Variants in ELFN1 observed in about 807,000 individuals in gnomAD.
The protein encoded by ELFN1 is protein ELFN1.
ELFN1 carries 6 observed loss-of-function variants against 7.6 expected under a neutral mutation model. The ratio of observed to expected loss-of-function variants is 0.79; its 90% CI spans 0.43 to 1.56. The LOEUF (loss-of-function observed/expected upper bound fraction) is 1.56, where lower values mean the gene tolerates loss of function less well. Among genes scored for constraint, ELFN1 ranks in the 40% most tolerant of loss-of-function variants. The pLI, the probability that ELFN1 is intolerant of heterozygous loss-of-function variation, is 0.01. For missense variants in ELFN1, 1,169 were observed against 1,232.2 expected (o/e 0.95, Z 0.77); for synonymous variants, 657 against 588.1 (o/e 1.12, Z -1.70).
intron 2 of ELFN1, among the ~76,000 whole-genome samples, chr7:1,694,481 C>T (rs964069545): frequency 2.0e-5 from 3 of 152,140 alleles, no homozygotes; most frequent in Non-Finnish European, 2.9e-5. Flanking sequence ...GGTGAGGCTC[C>T]GGGAGGGGAT....
intron 3 of ELFN1, among the ~76,000 whole-genome samples, chr7:1,733,097 C>T (rs921742781): frequency 1.3e-5 from 2 of 152,210 alleles, no homozygotes; most frequent in Non-Finnish European, 2.9e-5. Flanking sequence ...GATGGGGTTT[C>T]ACCATGTTGG....
intron 3 of ELFN1, among the ~76,000 whole-genome samples, chr7:1,710,669 C>T (rs1779630459): frequency 6.6e-6 from 1 of 152,238 alleles, no homozygotes; most frequent in African/African-American, 2.4e-5. Context: ...TCTCCTCTAA[C>T]TCACAGGCCA....
chr7:1,746,160 A>G lies in ELFN1; in HGVS notation c.1564A>G (p.Lys522Glu). 6.5e-7 allele frequency: 1 copy of G among 1,549,538 alleles called. No homozygotes were observed. Among genetic ancestry groups the G allele is most frequent in the Non-Finnish European group, 8.7e-7 (1 of 1,146,510 alleles). ...GAGCGCGGACACCCCCAAGGCCAGC[A>G]AGGGCAGCTACATGGAGGTTCGAAC... Reference protein sequence around the residue: ...VESADTPKASKGSYMEVRTGD... With the variant: ...VESADTPKASEGSYMEVRTGD... The change falls in exon 4 of 4, where the codon AAG (lysine) becomes GAG (glutamate). Residue 522 changes from lysine (K) to glutamate (E), a missense_variant. Around this residue, in one of 2 missense-constraint regions of ELFN1, gnomAD observed 914 missense variants for 872.6 expected, o/e 1.05. Transcript: ENST00000424383.
In ELFN1 at chr7:1,744,675, G is replaced by T; in HGVS notation, c.79G>T (p.Ala27Ser). Residue 27 changes from alanine to serine, a missense_variant, in exon 4 of 4, where the codon GCA becomes TCA. Around this residue, in one of 2 missense-constraint regions of ELFN1, gnomAD observed 255 missense variants for 359.6 expected, o/e 0.71. Transcript: ENST00000424383. ...TLLHAGGLAR[A>S]DCWLIEGDKG... The stretch of plus-strand genomic sequence containing the variant: ...GCTGCACGCTGGCGGCCTGGCCCGC[G>T]CAGACTGCTGGCTGATCGAGGGCGA... 1 of 1,551,006 alleles carries T rather than the reference G, an allele frequency of 6.4e-7. No individual in the cohort carries two copies. The highest frequency in any genetic ancestry group is 8.7e-7 in the Non-Finnish European group (1 of 1,146,854).
chr7:1,728,174 G>A (rs1780248185), intron 3 of ELFN1, among the ~76,000 whole-genome samples: 1 of 152,148 alleles, frequency 6.6e-6, no homozygotes, highest in African/African-American at 2.4e-5. Context: ...CCAAACGGGT[G>A]AGAACAGAAG....
chr7:1,698,934 C>T (rs553758869), intron 2 of ELFN1, among the ~76,000 whole-genome samples: 10 of 152,204 alleles, frequency 6.6e-5, no homozygotes, highest in Non-Finnish European at 1.0e-4. Context: ...TCCTGATGGT[C>T]TCTCCAGGTC....
At chr7:1,704,388 A>G (rs748361071) in intron 2 of ELFN1, among the ~76,000 whole-genome samples, 3 of 152,112 alleles carry the variant, frequency 2.0e-5, no homozygotes, top group Non-Finnish European at 4.4e-5. Context: ...TGGAGAACCT[A>G]CAATACACAC....
intron 3 of ELFN1, among the ~76,000 whole-genome samples, chr7:1,718,307 G>A (rs1562374834): frequency 6.6e-6 from 1 of 152,214 alleles, no homozygotes. Context: ...GGAGGAAGAG[G>A]AGAATAGGGA....
intron 1 of ELFN1, among the ~76,000 whole-genome samples, chr7:1,675,087 C>A (rs373334119): frequency 1.2e-4 from 7 of 56,798 alleles, no homozygotes; most frequent in African/African-American, 1.2e-3. Flanking sequence ...GACGGGGACC[C>A]GGCAGCCCAC....
At chr7:1,697,317 A>C (rs1490781698) in intron 2 of ELFN1, among the ~76,000 whole-genome samples, 1 of 152,182 alleles carries the variant, frequency 6.6e-6, no homozygotes, top group African/African-American at 2.4e-5. Flanking sequence ...TGTGGGACTC[A>C]GAGAGGAACA....
chr7:1,715,131 A>G (rs1045638158), intron 3 of ELFN1, among the ~76,000 whole-genome samples: 1 of 152,182 alleles, frequency 6.6e-6, no homozygotes, highest in Admixed American at 6.5e-5. Context: ...TTCTCAGCCA[A>G]CGGCAGAGAA....
chr7:1,727,035 G>A (rs917442444), intron 3 of ELFN1, among the ~76,000 whole-genome samples: 2 of 152,122 alleles, frequency 1.3e-5, no homozygotes, highest in Non-Finnish European at 2.9e-5. Flanking sequence ...CATCGGGGTC[G>A]GGCTGTGGGA....
intron 3 of ELFN1, among the ~76,000 whole-genome samples, chr7:1,725,789 G>A (rs1026195866): frequency 1.3e-5 from 2 of 152,088 alleles, no homozygotes; most frequent in Admixed American, 1.3e-4. Flanking sequence ...GCCCACACAT[G>A]CGCACACACA....
chr7:1,669,101 CCCGGGCGTGTCAGGCCCTGCAG>C (rs1778713537), upstream of ELFN1, among the ~76,000 whole-genome samples: 1 of 152,256 alleles, frequency 6.6e-6, no homozygotes, highest in African/African-American at 2.4e-5. Context: ...AACCCTAGGA[CCCGGGCGTGTCAGGCCCTGCAG>C]CCGGGCTAGG....
chr7:1,696,237 G>T (rs868011290), intron 2 of ELFN1, among the ~76,000 whole-genome samples: 1 of 149,466 alleles, frequency 6.7e-6, no homozygotes, highest in Admixed American at 6.7e-5. Context: ...AGAGACAGAG[G>T]GAGAGAGAGA....
intron 3 of ELFN1, among the ~76,000 whole-genome samples, chr7:1,732,063 G>A (rs572231051): frequency 2.5e-4 from 38 of 152,294 alleles, no homozygotes; most frequent in Non-Finnish European, 4.0e-4. Flanking sequence ...TACCTGCCCC[G>A]AGCTTTCGGT....
In ELFN1 at chr7:1,745,555, A is replaced by G. The variant is rs921770541; in HGVS notation, c.959A>G (p.Lys320Arg). The G allele has an allele frequency of 1.3e-5, 20 of 1,549,730 alleles. No homozygotes were observed. Among genetic ancestry groups the G allele is most frequent in the Admixed American group, 5.9e-5 (3 of 50,992 alleles). Residue 320 changes from lysine (K) to arginine (R), a missense_variant, in exon 4 of 4, where the codon AAG becomes AGG. Lys to Arg is a conservative substitution (Grantham distance 26). This residue lies in a region of ELFN1 where 914 missense variants were observed against 872.6 expected (regional missense o/e 1.05). Transcript: ENST00000424383. ...CAGGCCGAGGCCCGCCCCCTCATCA[A>G]GGTCAAGCAGCTCACTCAGAACTCG... The part of the protein sequence containing the change: ...ATQAEARPLI[K>R]VKQLTQNSAT...
intron 3 of ELFN1, among the ~76,000 whole-genome samples, chr7:1,737,470 C>T (rs758458687): frequency 4.6e-5 from 7 of 152,298 alleles, no homozygotes; most frequent in East Asian, 1.9e-4. Context: ...TTCTGCTGTC[C>T]GAGGCGGGTG....
intron 3 of ELFN1, among the ~76,000 whole-genome samples, chr7:1,722,150 A>G (rs891844060): frequency 6.6e-6 from 1 of 152,142 alleles, no homozygotes; most frequent in African/African-American, 2.4e-5. Flanking sequence ...ATTAACAAGT[A>G]CAGGTGCTTG....
Sources: gnomAD v4.1 joint callset for allele counts (sites outside exome capture counted in the v4.1 genomes callset) on GRCh38, gnomAD v4.1.1 for gene constraint, gnomAD v4.1.1 regional missense constraint, MANE v1.5 for transcripts, NCBI Gene and HGNC (gene_info 2026-07-23, HGNC 2026-07-21) for gene names.